The following ANKRD30B variants were observed in gnomAD, a reference collection of about 807,000 sequenced individuals.
ANKRD30B encodes ankyrin repeat domain 30B, also known as ankyrin repeat domain-containing protein 30B.
A neutral mutation model predicts 202.2 loss-of-function variants in ANKRD30B; 144 were observed. The observed-to-expected ratio is 0.71, with a 90% CI of 0.62 to 0.82. The LOEUF (loss-of-function observed/expected upper bound fraction) is 0.82. ANKRD30B is among the 40% of genes least tolerant of loss of function. ANKRD30B has a pLI of 0.00. For synonymous variants in ANKRD30B, 508 were observed against 561.3 expected (o/e 0.91, Z 1.34); for missense variants, 1,487 against 1,669.1 (o/e 0.89, Z 1.90).
intron 34 of ANKRD30B, among the ~76,000 whole-genome samples, chr18:14,832,297 A>C (rs1970986691): frequency 3.9e-5 from 6 of 152,208 alleles, no homozygotes; most frequent in Admixed American, 3.9e-4. Flanking sequence ...ATTTCATTAA[A>C]AGTATACTTT....
intron 39 of ANKRD30B, among the ~76,000 whole-genome samples, chr18:14,847,258 C>T (rs1433260997): frequency 1.3e-5 from 2 of 151,508 alleles, no homozygotes; most frequent in African/African-American, 4.9e-5. Context: ...TCACAACTCA[C>T]CTTCAAGTAA....
intron 39 of ANKRD30B, among the ~76,000 whole-genome samples, chr18:14,847,096 A>G (rs1971681059): frequency 8.6e-6 from 1 of 116,508 alleles, no homozygotes; most frequent in Non-Finnish European, 1.8e-5. Context: ...ATATATATGT[A>G]TAATGTTTTT....
the ANKRD30B span, among the ~76,000 whole-genome samples, chr18:14,886,177 AAGACCATT>A: frequency 3.3e-5 from 5 of 151,934 alleles, no homozygotes; most frequent in Admixed American, 3.3e-4. Flanking sequence ...AAAAATACAG[AAGACCATT>A]AGCTAATAAT....
chr18:14,903,839 T>A, the ANKRD30B span: 1 of 152,200 alleles, frequency 6.6e-6, no homozygotes, highest in Non-Finnish European at 1.5e-5. Flanking sequence ...CACCACAGAA[T>A]CCTTAAGCAC....
intron 1 of ANKRD30B, among the ~76,000 whole-genome samples, chr18:14,751,056 AT>A (rs1271854976): frequency 5.9e-5 from 9 of 151,374 alleles, no homozygotes; most frequent in East Asian, 5.8e-4. Flanking sequence ...TCTATATTTT[AT>A]TTTTTTGTGC....
chr18:14,809,575 C>G (rs554659430), intron 26 of ANKRD30B, among the ~76,000 whole-genome samples: 1 of 150,820 alleles, frequency 6.6e-6, no homozygotes, highest in Non-Finnish European at 1.5e-5. Context: ...ACAAGGGTAG[C>G]ATTCCATTCC....
At chr18:14,893,742 A>G in the ANKRD30B span, among the ~76,000 whole-genome samples, 1 of 151,910 alleles carries the variant, frequency 6.6e-6, no homozygotes, top group Non-Finnish European at 1.5e-5. Flanking sequence ...TAAGTTAATT[A>G]TACTTGGTCT....
At chr18:14,755,165 C>A (rs1355230945) in intron 4 of ANKRD30B, among the ~76,000 whole-genome samples, 160 bp downstream of exon 4, 2 of 152,008 alleles carry the variant, frequency 1.3e-5, no homozygotes, top group African/African-American at 4.8e-5. Flanking sequence ...ATTATTTGGA[C>A]TGGTCAACAT....
At chr18:14,916,212 C>G in the ANKRD30B span, among the ~76,000 whole-genome samples, 1 of 152,202 alleles carries the variant, frequency 6.6e-6, no homozygotes, top group African/African-American at 2.4e-5. Flanking sequence ...AGGCCACCAA[C>G]AGTTCTGGGC....
chr18:14,881,558 TC>T, the ANKRD30B span, among the ~76,000 whole-genome samples: 2 of 152,142 alleles, frequency 1.3e-5, no homozygotes, highest in African/African-American at 2.4e-5. Context: ...TTGGTTATGT[TC>T]TTTCATGGTT....
chr18:14,787,836 G>A (rs1190464351), intron 15 of ANKRD30B, among the ~76,000 whole-genome samples: 1 of 152,164 alleles, frequency 6.6e-6, no homozygotes, highest in African/African-American at 2.4e-5. Flanking sequence ...CTGCCTGATG[G>A]TAACAGCAAA....
chr18:14,772,230 T>G lies in ANKRD30B; in HGVS notation c.1329+2T>G. On this transcript the variant is annotated splice_donor_variant, in intron 9 of 43. Transcript: ENST00000690538. LOFTEE classifies it high-confidence loss of function. The stretch of plus-strand genomic sequence containing the variant: ...GAAGACTTTAATCTTGCTACCAAGG[T>G]AAAATGTTCTTTTGTGAAGTTGATT... 1.3e-6 allele frequency: 2 copies of G among 1,486,278 alleles called. No homozygotes were observed. The highest frequency in any genetic ancestry group is 1.8e-6 in the Non-Finnish European group (2 of 1,108,454). The allele number at this position is 1,486,278 out of a possible 1,614,324, so 92.1% of individuals were successfully genotyped here. A position where few individuals can be genotyped will look rare whatever the true frequency, so the allele number is the denominator to read the frequency against.
chr18:14,793,666 G>A (rs922132487), intron 16 of ANKRD30B, among the ~76,000 whole-genome samples: 14 of 152,118 alleles, frequency 9.2e-5, no homozygotes, highest in East Asian at 5.8e-4. Context: ...AGGCCGAGGC[G>A]GGCGGATCAC....
In ANKRD30B at chr18:14,804,843, A is replaced by T. The variant is rs572821605; in HGVS notation, c.2284+1019A>T. Among the ~76,000 whole-genome samples, 69 of 150,934 alleles carry T rather than the reference A, an allele frequency of 4.6e-4. 4 individuals carry two copies. The highest frequency in any genetic ancestry group is 1.6e-3 in the African/African-American group (67 of 40,896). ...TGATTACTTTTGCTAAAGAAGAGAG[A>T]TTATGAGGCAGGAAGCAGGGGACAA... On this transcript the variant is annotated intron_variant, in intron 24 of 43. Transcript: ENST00000690538.
chr18:14,909,730 A>G, the ANKRD30B span: 2 of 152,246 alleles, frequency 1.3e-5, no homozygotes, highest in East Asian at 1.9e-4. Context: ...TTTAATCACT[A>G]TTTTACAGAT....
downstream of ANKRD30B, among the ~76,000 whole-genome samples, chr18:14,856,768 G>T: frequency 8.2e-6 from 1 of 121,788 alleles, no homozygotes; most frequent in African/African-American, 3.0e-5. Context: ...GACAGGGTGG[G>T]AGCTGGGCAG....
intron 30 of ANKRD30B, among the ~76,000 whole-genome samples, chr18:14,821,998 CTTAAA>C (rs1325442704): frequency 6.6e-6 from 1 of 152,036 alleles, no homozygotes; most frequent in Non-Finnish European, 1.5e-5. Context: ...CTTTGCAATT[CTTAAA>C]TTACAGGACA....
chr18:14,837,420 T>C, intron 35 of ANKRD30B, 131 bp downstream of exon 35: 1 of 893,428 alleles, frequency 1.1e-6, no homozygotes, highest in Non-Finnish European at 1.6e-6. Flanking sequence ...AATGTCTACT[T>C]AAAAAAGTAC....
chr18:14,830,733 C>T (rs1045376452), intron 33 of ANKRD30B, among the ~76,000 whole-genome samples: 6 of 152,144 alleles, frequency 3.9e-5, no homozygotes, highest in African/African-American at 1.4e-4. Flanking sequence ...AGTACATTTT[C>T]AGTTCATCAT....
Sources: allele counts gnomAD v4.1 joint callset (sites outside exome capture counted in the v4.1 genomes callset), GRCh38; gene constraint gnomAD v4.1.1; transcripts MANE v1.5; gene names NCBI Gene and HGNC (gene_info 2026-07-23, HGNC 2026-07-21).